HVCN1: variants seen among roughly 807,000 people sequenced by gnomAD.
HVCN1 encodes the protein voltage-gated hydrogen channel 1.
HVCN1 carries 14 observed loss-of-function variants against 29.2 expected under a neutral mutation model. The ratio of observed to expected loss-of-function variants is 0.48; its 90% CI spans 0.32 to 0.75. The LOEUF (loss-of-function observed/expected upper bound fraction) is 0.75. HVCN1 is among the 30% of genes least tolerant of loss of function. HVCN1 has a pLI of 0.04. For missense variants in HVCN1, 263 were observed against 341.8 expected (o/e 0.77, Z 1.82); for synonymous variants, 131 against 133.2 (o/e 0.98, Z 0.11).
In HVCN1 at chr12:110,661,057, A is replaced by G; in HGVS notation, c.306+107T>C. On this transcript the variant is annotated intron_variant, in intron 4 of 7. Coordinates refer to ENST00000242607, the MANE Select transcript of HVCN1 (RefSeq NM_032369.4). The surrounding 1 kb of genome is among the most constrained non-coding windows in gnomAD (Gnocchi z 6.2). ...TGGTAGGTGCTGGGCAAACACTCGT[A>G]GAATGAATGAGGCAGTGGCCAAATG... 1.4e-5 allele frequency: 15 copies of G among 1,073,344 alleles called. No individual in the cohort carries two copies. The highest frequency in any genetic ancestry group is 1.9e-5 in the Non-Finnish European group (14 of 727,722). The allele number at this position is 1,073,344 out of a possible 1,614,324, so 66.5% of individuals were successfully genotyped here.
At chr12:110,690,778 A>G (rs2069389505), upstream of HVCN1, among the ~76,000 whole-genome samples, 1 of 147,086 alleles carries the variant, frequency 6.8e-6, no homozygotes, top group Admixed American at 6.8e-5. Flanking sequence ...CCACCCGGCA[A>G]CAGTCTCACT....
intron 2 of HVCN1, among the ~76,000 whole-genome samples, chr12:110,697,512 A>G (rs1036425460): frequency 6.6e-6 from 1 of 152,140 alleles, no homozygotes; most frequent in Non-Finnish European, 1.5e-5. Context: ...ATACAAAAGC[A>G]CTTGAAGGGA....
chr12:110,683,273 TA>T lies in HVCN1; in HGVS notation c.-19-10del. 1.2e-6 allele frequency: 2 copies of T among 1,603,894 alleles called. No individual in the cohort carries two copies. The highest frequency in any genetic ancestry group is 1.3e-5 in the African/African-American group (1 of 74,334). ...CCCTGTTGCCTCTGGATCTGAAAAA[TA>T]AAAAGACATTTGTCCAGATCTATCA... is the stretch of plus-strand genomic sequence containing the variant. On this transcript the variant is annotated splice_polypyrimidine_tract_variant and intron_variant, in intron 2 of 7. Coordinates refer to ENST00000242607, the MANE Select transcript of HVCN1 (RefSeq NM_032369.4).
upstream of HVCN1, among the ~76,000 whole-genome samples, chr12:110,693,431 C>T (rs1024214945): frequency 2.0e-5 from 3 of 151,996 alleles, no homozygotes; most frequent in Non-Finnish European, 2.9e-5. Context: ...GTAATCCCAG[C>T]TACTTGGGAA....
At chr12:110,686,030 G>C (rs575825633) in intron 2 of HVCN1, among the ~76,000 whole-genome samples, 4 of 151,540 alleles carry the variant, frequency 2.6e-5, no homozygotes, top group African/African-American at 9.7e-5. Flanking sequence ...ACAGAGTCTC[G>C]TTCTGTTGCC....
Position 110,648,788 on chromosome 12 carries a change from AAG to A in HVCN1, c.*620_*621del, listed in dbSNP as rs57111495. The A allele has an allele frequency of 0.079, 24,285 of 307,230 alleles. 1,058 individuals carry two copies. The highest frequency in any genetic ancestry group is 0.12 in the Middle Eastern group (101 of 870). 19.0% of individuals were successfully genotyped at this position (307,230 alleles called of 1,614,324 possible). ...GAATACAGTAGGAGGGTCCAGGGAA[AAG>A]AGAGAGTTTATTTTATACAGTAGTT... On this transcript the variant is annotated 3_prime_UTR_variant, in exon 8 of 8. Coordinates refer to ENST00000242607, the MANE Select transcript of HVCN1 (RefSeq NM_032369.4).
At chr12:110,700,441 A>G (rs576936271) in intron 2 of HVCN1, among the ~76,000 whole-genome samples, 62 of 152,254 alleles carry the variant, frequency 4.1e-4, no homozygotes, top group Non-Finnish European at 7.1e-4. Context: ...GAGAAAGGAC[A>G]TCGAAGCAGC....
At chr12:110,667,412 G>T (rs572214952) in intron 3 of HVCN1, among the ~76,000 whole-genome samples, 5 of 151,978 alleles carry the variant, frequency 3.3e-5, no homozygotes, top group African/African-American at 1.2e-4. Context: ...GGGATTACAC[G>T]CGTGAGCCAC....
chr12:110,657,940 T>C (rs1472774500), intron 4 of HVCN1, among the ~76,000 whole-genome samples: 1 of 152,146 alleles, frequency 6.6e-6, no homozygotes, highest in Non-Finnish European at 1.5e-5. Context: ...GACACATCTC[T>C]CAATGCTGGA....
At chr12:110,653,449 ACT>A (rs775586293) in intron 5 of HVCN1, among the ~76,000 whole-genome samples, 1 of 149,398 alleles carries the variant, frequency 6.7e-6, no homozygotes, top group Admixed American at 6.7e-5. Context: ...ACAGGGCAAG[ACT>A]CTGTCTCAAG....
chr12:110,672,597 T>G (rs1269954378), intron 3 of HVCN1, among the ~76,000 whole-genome samples: 1 of 152,200 alleles, frequency 6.6e-6, no homozygotes, highest in African/African-American at 2.4e-5. Flanking sequence ...CTAATAGGTT[T>G]GGCTGATACC....
In HVCN1 at chr12:110,676,727, T is replaced by C. The variant is rs558314599; in HGVS notation, c.21+6498A>G. ...CTGCCCCCAACCCAGGAGAGGGCTCTGGAAGCTTGTGCCAGGTTTTTTCTG... is the reference window on the plus strand; with the variant it reads ...CTGCCCCCAACCCAGGAGAGGGCTCCGGAAGCTTGTGCCAGGTTTTTTCTG... On this transcript the variant is annotated intron_variant, in intron 3 of 7. Transcript: ENST00000242607. The surrounding 1 kb of genome is among the most constrained non-coding windows in gnomAD (Gnocchi z 4.1). Among the ~76,000 whole-genome samples, 2 of 152,274 alleles carry C rather than the reference T, an allele frequency of 1.3e-5. No homozygotes were observed. Among genetic ancestry groups the C allele is most frequent in the African/African-American group, 4.8e-5 (2 of 41,558 alleles).
At chr12:110,699,460 GC>G (rs2069539886) in intron 2 of HVCN1, among the ~76,000 whole-genome samples, 1 of 152,016 alleles carries the variant, frequency 6.6e-6, no homozygotes, top group Non-Finnish European at 1.5e-5. Flanking sequence ...TTCTATGGGG[GC>G]CCCACTGCCT....
chr12:110,674,192 T>C (rs2068674077), intron 3 of HVCN1, among the ~76,000 whole-genome samples: 2 of 152,318 alleles, frequency 1.3e-5, no homozygotes, highest in South Asian at 4.1e-4. Flanking sequence ...GCCTTAGAAT[T>C]TGACTGCCCC....
Position 110,661,419 on chromosome 12 carries a change from G to A in HVCN1, c.51C>T (p.Pro17=), listed in dbSNP as rs563409850. ...TTAAGAACTTGCTCATCCTCTCAGC[G>A]GGAGCCACCTTGGCCCTGCGGGTGA... ...KAVTRRAKVA[P]AERMSKFLRH... Residue 17 remains proline, a synonymous_variant, in exon 4 of 8, where the codon CCC becomes CCT. Coordinates refer to ENST00000242607, the MANE Select transcript of HVCN1 (RefSeq NM_032369.4). The surrounding 1 kb of genome is among the most constrained non-coding windows in gnomAD (Gnocchi z 6.2). The A allele has an allele frequency of 8.7e-6, 14 of 1,614,190 alleles. No homozygotes were observed. The highest frequency in any genetic ancestry group is 6.6e-5 in the South Asian group (6 of 91,088).
In HVCN1 at chr12:110,674,695, C is replaced by T. The variant is rs111456744; in HGVS notation, c.21+8530G>A. Among the ~76,000 whole-genome samples, 1,224 of 152,290 alleles carry T rather than the reference C, an allele frequency of 8.0e-3. 2 individuals carry two copies. Among genetic ancestry groups the T allele is most frequent in the Non-Finnish European group, 9.3e-3 (636 of 68,030 alleles). ...TTCTGCTTTTGCTTCTCTCTCATCA[C>T]CTCTTGCTGCCACCATGTAAGTGCT... On this transcript the variant is annotated intron_variant, in intron 3 of 7. Coordinates refer to ENST00000242607, the MANE Select transcript of HVCN1 (RefSeq NM_032369.4).
intron 3 of HVCN1, among the ~76,000 whole-genome samples, chr12:110,671,079 C>G (rs982348144): frequency 1.3e-5 from 2 of 152,162 alleles, no homozygotes; most frequent in African/African-American, 2.4e-5. Context: ...GTAATCCCAG[C>G]ACTTTGAGAG....
Position 110,651,278 on chromosome 12 carries a change from C to T in HVCN1, c.582G>A (p.Gln194=). ...LDIVLLFQEH[Q]FEALGLLILL... is the part of the protein sequence containing the mutation. ...GAATCAGCAGGCCCAGAGCCTCAAA[C>T]TGGTGCTCCTGGAACAGGAGGACAA... is the stretch of plus-strand genomic sequence containing the variant. The change falls in exon 6 of 8, where the codon CAG becomes CAA. Residue 194 remains glutamine, a synonymous_variant. Coordinates refer to ENST00000242607, the MANE Select transcript of HVCN1 (RefSeq NM_032369.4). The T allele has an allele frequency of 1.2e-6, 2 of 1,614,130 alleles. No individual in the cohort carries two copies. Among genetic ancestry groups the T allele is most frequent in the South Asian group, 1.1e-5 (1 of 91,070 alleles).
At chr12:110,650,137 G>A (rs1299153445) in intron 7 of HVCN1, 31 bp downstream of exon 7, 7 of 1,449,838 alleles carry the variant, frequency 4.8e-6, no homozygotes, top group African/African-American at 1.4e-5. Flanking sequence ...GAGCCACCAC[G>A]CCTGGTCCCC....
Sources: gnomAD v4.1 joint callset for allele counts (sites outside exome capture counted in the v4.1 genomes callset) on GRCh38, gnomAD v4.1.1 for gene constraint, Gnocchi (gnomAD v3.1) non-coding constraint, MANE v1.5 for transcripts, NCBI Gene and HGNC (gene_info 2026-07-23, HGNC 2026-07-21) for gene names.